C4orf51: variants seen among roughly 807,000 people sequenced by gnomAD.
C4orf51 encodes the protein uncharacterized protein C4orf51.
Under a neutral mutation model 25.2 loss-of-function variants are expected in C4orf51, and 25 were observed. The ratio of observed to expected loss-of-function variants is 0.99; its 90% CI spans 0.72 to 1.39. The LOEUF is 1.39. Among genes scored for constraint, C4orf51 ranks in the 40% most tolerant of loss-of-function variants. C4orf51 has a pLI of 0.00. For synonymous variants in C4orf51, 100 were observed against 84.5 expected, an observed-to-expected ratio of 1.18 and a Z score of -1.01; for missense variants, 252 against 239.6, an observed-to-expected ratio of 1.05 and a Z score of -0.34.
chr4:145,780,060 G>A, the C4orf51 span, among the ~76,000 whole-genome samples: 1 of 152,232 alleles, frequency 6.6e-6, no homozygotes, highest in Non-Finnish European at 1.5e-5. Context: ...GCATGGTGGC[G>A]GGTGCCTGTA....
At chr4:145,687,073 A>T (rs1172742657) in intron 1 of C4orf51, among the ~76,000 whole-genome samples, 1 of 152,120 alleles carries the variant, frequency 6.6e-6, no homozygotes, top group Non-Finnish European at 1.5e-5. Context: ...ACTAAGCTAA[A>T]GGGAAATGTC....
At chr4:145,718,219 T>C (rs1414445781) in intron 2 of C4orf51, among the ~76,000 whole-genome samples, 6 of 152,260 alleles carry the variant, frequency 3.9e-5, no homozygotes, top group African/African-American at 1.2e-4. Context: ...GGAGGTGTTA[T>C]GTGGTATGAC....
At chr4:145,702,598 A>G (rs1730528744) in intron 2 of C4orf51, among the ~76,000 whole-genome samples, 1 of 152,206 alleles carries the variant, frequency 6.6e-6, no homozygotes, top group Non-Finnish European at 1.5e-5. Context: ...TCTCCAAGCC[A>G]TCACAGCTGA....
chr4:145,791,299 T>A, the C4orf51 span, among the ~76,000 whole-genome samples: 9 of 152,190 alleles, frequency 5.9e-5, no homozygotes, highest in African/African-American at 2.2e-4. Context: ...GGGCCTCTTT[T>A]ATAGGGGCAC....
At chr4:145,736,867 T>C (rs944744576), downstream of C4orf51, among the ~76,000 whole-genome samples, 2 of 152,010 alleles carry the variant, frequency 1.3e-5, no homozygotes, top group African/African-American at 4.8e-5. Context: ...AGCCTCTCAA[T>C]AGGCGCCTTT....
chr4:145,707,215 A>T (rs1295670352), intron 2 of C4orf51, among the ~76,000 whole-genome samples: 2 of 152,196 alleles, frequency 1.3e-5, no homozygotes, highest in East Asian at 3.9e-4. Context: ...TTGGGATTAC[A>T]GGCGTGAGCC....
intron 2 of C4orf51, among the ~76,000 whole-genome samples, chr4:145,706,415 A>G (rs1730814585): frequency 6.6e-6 from 1 of 152,154 alleles, no homozygotes. Flanking sequence ...TGTGGTCTCA[A>G]GATAACTTGG....
chr4:145,719,611 A>G (rs868598269), intron 2 of C4orf51, among the ~76,000 whole-genome samples: 5 of 139,870 alleles, frequency 3.6e-5, no homozygotes, highest in South Asian at 2.4e-4. Flanking sequence ...AAAAAAAAGC[A>G]GCATCCTTTG....
intron 2 of C4orf51, among the ~76,000 whole-genome samples, chr4:145,715,138 G>A (rs759887386): frequency 3.3e-5 from 5 of 152,204 alleles, no homozygotes; most frequent in Non-Finnish European, 7.3e-5. Context: ...TGATGCATGT[G>A]GGGCATTGGG....
intron 1 of C4orf51, among the ~76,000 whole-genome samples, chr4:145,744,564 C>T (rs997974357): frequency 6.6e-6 from 1 of 151,510 alleles, no homozygotes; most frequent in Non-Finnish European, 1.5e-5. Context: ...GCTCACACCT[C>T]TAATCCCAGC....
intron 2 of C4orf51, among the ~76,000 whole-genome samples, chr4:145,716,528 TA>T (rs1331375755): frequency 6.6e-6 from 1 of 152,210 alleles, no homozygotes; most frequent in African/African-American, 2.4e-5. Flanking sequence ...GAGAACACAA[TA>T]GATTATTTTC....
At chr4:145,779,651 T>A in the C4orf51 span, 1 of 1,205,434 alleles carries the variant, frequency 8.3e-7, no homozygotes, top group African/African-American at 1.5e-5. Context: ...TAACTGGTTT[T>A]CCTGCTCATT....
At chr4:145,729,503 G>A (rs6848911) in intron 4 of C4orf51, among the ~76,000 whole-genome samples, 38,784 of 151,590 alleles carry the variant, frequency 0.26, 5,500 homozygotes, top group African/African-American at 0.38. Flanking sequence ...GGGTTTCACC[G>A]TGTTAGCCAG....
chr4:145,778,687 C>T, the C4orf51 span, among the ~76,000 whole-genome samples: 7 of 152,192 alleles, frequency 4.6e-5, no homozygotes, highest in South Asian at 2.1e-4. Flanking sequence ...GTGTGATGTA[C>T]GAAATCTTTA....
chr4:145,774,789 GTC>G, downstream of C4orf51: 1 of 1,165,622 alleles, frequency 8.6e-7, no homozygotes. Flanking sequence ...AAACACATTT[GTC>G]TCTCCACCAA....
downstream of C4orf51, chr4:145,757,751 C>A (rs1284599850): frequency 1.3e-5 from 2 of 151,548 alleles, no homozygotes; most frequent in Non-Finnish European, 2.9e-5. Context: ...TGACCCTGTA[C>A]AGCCTCGTAA....
rs145443446 is a variant in C4orf51, at chr4:145,761,424, C to A, written n.167-9564C>A. 1 of 1,289,744 alleles carries A rather than the reference C, an allele frequency of 7.8e-7. No homozygotes were observed. Among genetic ancestry groups the A allele is most frequent in the Non-Finnish European group, 1.0e-6 (1 of 988,868 alleles). 79.9% of individuals were successfully genotyped at this position (1,289,744 alleles called of 1,614,324 possible). A position where few individuals can be genotyped will look rare whatever the true frequency, so the allele number is the denominator to read the frequency against. ...TGGCGGTCTTGGACAGGTAGCCGCA[C>A]TGGTCGCACTTGTAGTGGTTGCCCA... is the stretch of plus-strand genomic sequence containing the variant. On this transcript the variant is annotated intron_variant and non_coding_transcript_variant, in intron 1 of 1. Coordinates refer to the C4orf51 transcript ENST00000510096. This position sits in a 1 kb window ranked among gnomAD's most constrained non-coding sequence, Gnocchi z 6.8.
chr4:145,778,965 A>G, the C4orf51 span, among the ~76,000 whole-genome samples: 53 of 152,292 alleles, frequency 3.5e-4, no homozygotes, highest in African/African-American at 1.2e-3. Flanking sequence ...CTCCACAATT[A>G]TACATAAATA....
downstream of C4orf51, among the ~76,000 whole-genome samples, chr4:145,736,706 G>A (rs1043458843): frequency 6.6e-6 from 1 of 152,186 alleles, no homozygotes; most frequent in Non-Finnish European, 1.5e-5. Flanking sequence ...AGCCTGAAGC[G>A]TTGCCAGTGT....
Sources: gnomAD v4.1 joint callset for allele counts (sites outside exome capture counted in the v4.1 genomes callset) on GRCh38, gnomAD v4.1.1 for gene constraint, Gnocchi (gnomAD v3.1) non-coding constraint, MANE v1.5 for transcripts, NCBI Gene and HGNC (gene_info 2026-07-23, HGNC 2026-07-21) for gene names.